Variants in SRSF12 observed in about 807,000 individuals in gnomAD.
SRSF12 encodes serine and arginine rich splicing factor 12.
In SRSF12, 21 loss-of-function variants were observed where a neutral mutation model predicts 34.1. The observed-to-expected ratio is 0.62, with a 90% CI of 0.44 to 0.89. The LOEUF is 0.89. Among genes scored for constraint, SRSF12 ranks in the 40% least tolerant of loss-of-function variants. The pLI is 0.00. For missense variants in SRSF12, 278 were observed against 327.8 expected (o/e 0.85, Z 1.17); for synonymous variants, 111 against 110.8 (o/e 1.00, Z -0.01).
chr6:89,107,213 T>C lies in SRSF12; in HGVS notation c.111A>G (p.Val37=). The change falls in exon 2 of 5, where the codon GTA becomes GTG. Residue 37 remains valine (V), a synonymous_variant. Transcript: ENST00000452027. ...RREFGRYGPI[V]DVYIPLDFYT... is the part of the protein sequence containing the mutation. ...AGAAGTCAAGTGGAATGTAAACGTC[T>C]ACTATAGGGCCATATCGACCAAACT... The C allele has an allele frequency of 6.2e-7, 1 of 1,614,028 alleles. No homozygotes were observed. The highest frequency in any genetic ancestry group is 8.5e-7 in the Non-Finnish European group (1 of 1,179,996).
At position 89,097,387 on chromosome 6, in the gene SRSF12, T is replaced by G. The variant is rs1768316894; in HGVS notation, c.*1191A>C. 6.6e-6 allele frequency: 1 copy of G among 152,216 alleles called. No individual in the cohort carries two copies. The highest frequency in any genetic ancestry group is 6.5e-5 in the Admixed American group (1 of 15,270). 9.4% of individuals were successfully genotyped at this position (152,216 alleles called of 1,614,324 possible). A position where few individuals can be genotyped will look rare whatever the true frequency, so the allele number is the denominator to read the frequency against. On this transcript the variant is annotated 3_prime_UTR_variant, in exon 5 of 5. Transcript: ENST00000452027. ...CTACAACACATTTTCAAAGAAATTA[T>G]TAGTTATAACAACTACAAAAGCAAT...
intron 4 of SRSF12, 118 bp from the exon 5 acceptor site, chr6:89,099,065 TA>T: frequency 4.0e-6 from 5 of 1,238,786 alleles, no homozygotes; most frequent in Non-Finnish European, 5.4e-6. Context: ...CTAGATAAGC[TA>T]AAAAAATTTC....
At chr6:89,102,399 G>A (rs1224360718) in intron 4 of SRSF12, among the ~76,000 whole-genome samples, 1 of 152,168 alleles carries the variant, frequency 6.6e-6, no homozygotes, top group African/African-American at 2.4e-5. Flanking sequence ...CCAAAGTGCT[G>A]AGATGACAGG....
intron 1 of SRSF12, among the ~76,000 whole-genome samples, chr6:89,114,349 G>C (rs1769191720): frequency 6.6e-6 from 1 of 152,180 alleles, no homozygotes; most frequent in East Asian, 1.9e-4. Context: ...AACTGCTTGA[G>C]CCCAGGAGGC....
At chr6:89,102,247 G>A (rs199734141) in intron 4 of SRSF12, among the ~76,000 whole-genome samples, 2 of 151,994 alleles carry the variant, frequency 1.3e-5, no homozygotes, top group East Asian at 1.9e-4. Context: ...GGGTTCAAGC[G>A]ATTCTCCTGC....
rs1768286279 is a variant in SRSF12 at position 89,096,323 on chromosome 6, ATC to A, written c.*2253_*2254del. 2.0e-5 allele frequency: 3 copies of A among 152,306 alleles called. No homozygotes were observed. Among genetic ancestry groups the A allele is most frequent in the Admixed American group, 1.3e-4 (2 of 15,282 alleles). 9.4% of individuals were successfully genotyped at this position (152,306 alleles called of 1,614,324 possible). On this transcript the variant is annotated 3_prime_UTR_variant, in exon 5 of 5. Coordinates refer to ENST00000452027, the MANE Select transcript of SRSF12 (RefSeq NM_080743.5). ...TGCCCTTGTAACTTAGCCTCTCTGCATCTGTTTCCTTGTCTGTAGTGGTACTA... is the reference window on the plus strand; with the variant it reads ...TGCCCTTGTAACTTAGCCTCTCTGCATGTTTCCTTGTCTGTAGTGGTACTA...
At chr6:89,116,672 T>G (rs145110658) in intron 1 of SRSF12, among the ~76,000 whole-genome samples, 9,540 of 151,370 alleles carry the variant, frequency 0.063, 871 homozygotes, top group African/African-American at 0.2. Context: ...CTACTTTGGA[T>G]GCTGAGGCAG....
chr6:89,117,045 C>T (rs1442748734), intron 1 of SRSF12, among the ~76,000 whole-genome samples: 1 of 152,022 alleles, frequency 6.6e-6, no homozygotes, highest in African/African-American at 2.4e-5. Flanking sequence ...CCCCCCGCCC[C>T]CAATTTCTTC....
intron 4 of SRSF12, among the ~76,000 whole-genome samples, chr6:89,102,141 T>TGGTTTTGTTTGTTTGTTTCTGA (rs1332117383): frequency 3.3e-5 from 5 of 149,586 alleles, no homozygotes; most frequent in Non-Finnish European, 7.4e-5. Flanking sequence ...CTTCAATTTT[T>TGGTTTTGTTTGTTTGTTTCTGA]GGTTTTGTTT....
intron 1 of SRSF12, among the ~76,000 whole-genome samples, chr6:89,107,678 G>A (rs1029261664): frequency 6.6e-6 from 1 of 152,086 alleles, no homozygotes; most frequent in Non-Finnish European, 1.5e-5. Flanking sequence ...TGAGGCTGCA[G>A]TGAGCCAAGA....
rs1486788545 is a variant in SRSF12, at chr6:89,098,383, A to C, written c.*195T>G. The C allele has an allele frequency of 1.7e-6, 1 of 575,006 alleles. No homozygotes were observed. Among genetic ancestry groups the C allele is most frequent in the Non-Finnish European group, 2.8e-6 (1 of 361,170 alleles). The allele number at this position is 575,006 out of a possible 1,614,324, so 35.6% of individuals were successfully genotyped here. On this transcript the variant is annotated 3_prime_UTR_variant, in exon 5 of 5. Transcript: ENST00000452027. ...ATAAAATGGTGACATTAGACAAATCATAATTTGTAGTGTGGGCCCTTTAAA... is the reference window on the plus strand; with the variant it reads ...ATAAAATGGTGACATTAGACAAATCCTAATTTGTAGTGTGGGCCCTTTAAA...
In SRSF12 at chr6:89,096,470, GT is replaced by G. The variant is rs1310433495; in HGVS notation, c.*2107del. On this transcript the variant is annotated 3_prime_UTR_variant, in exon 5 of 5. Transcript: ENST00000452027. ...AAGCATGTACTAAATGCTCAAAAGA[GT>G]TTGAGCTATTATCATTCCAGCTTTT... 1 of 152,190 alleles carries G rather than the reference GT, an allele frequency of 6.6e-6. No individual in the cohort carries two copies. Among genetic ancestry groups the G allele is most frequent in the African/African-American group, 2.4e-5 (1 of 41,450 alleles). 9.4% of individuals were successfully genotyped at this position (152,190 alleles called of 1,614,324 possible). A position where few individuals can be genotyped will look rare whatever the true frequency, so the allele number is the denominator to read the frequency against.
intron 4 of SRSF12, among the ~76,000 whole-genome samples, chr6:89,102,939 G>C (rs1582256928): frequency 1.3e-5 from 2 of 151,854 alleles, no homozygotes; most frequent in Non-Finnish European, 2.9e-5. Flanking sequence ...ATTTTTTTTA[G>C]TTTTTGTAGA....
Position 89,102,825 on chromosome 6 carries a change from C to T in SRSF12, c.416+2294G>A, listed in dbSNP as rs113123421. Among the ~76,000 whole-genome samples the T allele has an allele frequency of 7.1e-3, 1,082 of 152,242 alleles. 15 individuals are homozygous for T. Among genetic ancestry groups the T allele is most frequent in the African/African-American group, 0.025 (1,039 of 41,542 alleles). Reference sequence around the variant, plus strand: ...GGAGTGCAGTGGTGCAATCATGGCTCACTGCAGCCTTGACCTACTGGGCTC... The same window carrying T: ...GGAGTGCAGTGGTGCAATCATGGCTTACTGCAGCCTTGACCTACTGGGCTC... On this transcript the variant is annotated intron_variant, in intron 4 of 4. Coordinates refer to ENST00000452027, the MANE Select transcript of SRSF12 (RefSeq NM_080743.5).
intron 4 of SRSF12, 103 bp downstream of exon 4, chr6:89,105,016 C>T: frequency 1.6e-6 from 2 of 1,219,894 alleles, no homozygotes; most frequent in Non-Finnish European, 2.2e-6. Flanking sequence ...TGATCGCACA[C>T]TACTGCACTC....
rs189132529 is a variant in SRSF12 at position 89,105,609 on chromosome 6, A to C, written c.171-79T>G. 2.4e-5 allele frequency: 25 copies of C among 1,023,538 alleles called. No individual in the cohort carries two copies. In the East Asian group the frequency reaches 6.7e-4, roughly 28 times the overall value. 63.4% of individuals were successfully genotyped at this position (1,023,538 alleles called of 1,614,324 possible). A position where few individuals can be genotyped will look rare whatever the true frequency, so the allele number is the denominator to read the frequency against. On this transcript the variant is annotated intron_variant, in intron 2 of 4. Coordinates refer to ENST00000452027, the MANE Select transcript of SRSF12 (RefSeq NM_080743.5). ...AAAAGCATTATTTACATGTGAAATGAAATTAATAGGAAAATCAAGTTCAAG... is the reference window on the plus strand; with the variant it reads ...AAAAGCATTATTTACATGTGAAATGCAATTAATAGGAAAATCAAGTTCAAG...
Position 89,098,673 on chromosome 6 carries a change from A to T in SRSF12, c.691T>A (p.Tyr231Asn). The T allele has an allele frequency of 6.2e-7, 1 of 1,613,950 alleles. No individual in the cohort carries two copies. The highest frequency in any genetic ancestry group is 8.5e-7 in the Non-Finnish European group (1 of 1,179,890). ...ARSPCKSPKGYTNSETKVQTA... is the reference protein window; with the variant it reads ...ARSPCKSPKGNTNSETKVQTA... Reference sequence around the variant, plus strand: ...TGTACTTTAGTTTCAGAATTGGTATACCCTTTGGGAGATTTACACGGGGAT... The same window carrying T: ...TGTACTTTAGTTTCAGAATTGGTATTCCCTTTGGGAGATTTACACGGGGAT... Residue 231 changes from tyrosine to asparagine, a missense_variant, in exon 5 of 5, where the codon TAT (tyrosine) becomes AAT (asparagine). Transcript: ENST00000452027.
Position 89,098,439 on chromosome 6 carries a change from A to C in SRSF12, c.*139T>G. Reference sequence around the variant, plus strand: ...ACCAAATTTTTATTAATCCAAAGCTAGAGATTTTATTTCTTCCATATGCCC... The same window carrying C: ...ACCAAATTTTTATTAATCCAAAGCTCGAGATTTTATTTCTTCCATATGCCC... On this transcript the variant is annotated 3_prime_UTR_variant, in exon 5 of 5. Coordinates refer to ENST00000452027, the MANE Select transcript of SRSF12 (RefSeq NM_080743.5). 6 of 1,106,104 alleles carry C rather than the reference A, an allele frequency of 5.4e-6. No individual in the cohort carries two copies. The highest frequency in any genetic ancestry group is 7.3e-6 in the Non-Finnish European group (6 of 821,226). 68.5% of individuals were successfully genotyped at this position (1,106,104 alleles called of 1,614,324 possible). A position where few individuals can be genotyped will look rare whatever the true frequency, so the allele number is the denominator to read the frequency against.
rs116616091 is a variant in SRSF12 at position 89,107,110 on chromosome 6, G to C, written c.170+44C>G. On this transcript the variant is annotated intron_variant, in intron 2 of 4. Transcript: ENST00000452027. ...ACTGAATACATATATGTATAAGCAC[G>C]CATATACAGTATATTCACATGCACA... The C allele has an allele frequency of 8.9e-4, 1,317 of 1,487,544 alleles. 9 individuals are homozygous for C. The African/African-American group carries it at 0.016, about 18-fold the overall frequency. 92.1% of individuals were successfully genotyped at this position (1,487,544 alleles called of 1,614,324 possible).
Sources: gnomAD v4.1 joint callset for allele counts (sites outside exome capture counted in the v4.1 genomes callset) on GRCh38, gnomAD v4.1.1 for gene constraint, MANE v1.5 for transcripts, NCBI Gene and HGNC (gene_info 2026-07-23, HGNC 2026-07-21) for gene names.